The following SV2C variants were observed in gnomAD, a reference collection of about 807,000 sequenced individuals.
SV2C encodes solute carrier family 22 member B3.
A neutral mutation model predicts 79.7 loss-of-function variants in SV2C; 49 were observed. The ratio of observed to expected loss-of-function variants is 0.61; its 90% CI spans 0.49 to 0.78. The LOEUF (loss-of-function observed/expected upper bound fraction) is 0.78. SV2C is among the 30% of genes least tolerant of loss of function. SV2C has a pLI of 0.00. For missense variants in SV2C, 833 were observed against 912.9 expected, an observed-to-expected ratio of 0.91 and a Z score of 1.13; for synonymous variants, 334 against 333.2, an observed-to-expected ratio of 1.00 and a Z score of -0.03.
the SV2C span, among the ~76,000 whole-genome samples, chr5:75,880,303 A>T: frequency 6.8e-6 from 1 of 148,146 alleles, no homozygotes; most frequent in Admixed American, 6.7e-5. Context: ...CTTTTATAGC[A>T]CTGGCTAGGC....
At chr5:76,018,832 C>T in the SV2C span, among the ~76,000 whole-genome samples, 1 of 152,120 alleles carries the variant, frequency 6.6e-6, no homozygotes, top group Non-Finnish European at 1.5e-5. Flanking sequence ...AAAAGCTGAC[C>T]ATTGATTCCC....
At chr5:75,932,316 TATC>T in the SV2C span, among the ~76,000 whole-genome samples, 1 of 152,308 alleles carries the variant, frequency 6.6e-6, no homozygotes, top group South Asian at 2.1e-4. Context: ...CGGCTGTGGC[TATC>T]ATCTGGGTCT....
At chr5:76,280,936 G>T in intron 4 of SV2C, 1 of 531,998 alleles carries the variant, frequency 1.9e-6, no homozygotes, top group Non-Finnish European at 3.8e-6. Flanking sequence ...GCGCGACAGG[G>T]TCTGAGCCTG....
chr5:76,173,114 C>T (rs1195783657), intron 2 of SV2C, among the ~76,000 whole-genome samples: 2 of 143,146 alleles, frequency 1.4e-5, no homozygotes, highest in Non-Finnish European at 3.1e-5. Flanking sequence ...TTAATCAAAG[C>T]GCTTATTTTG....
At chr5:76,281,271 G>T in intron 4 of SV2C, 1 of 505,228 alleles carries the variant, frequency 2.0e-6, no homozygotes, top group South Asian at 1.5e-5. Context: ...GACGATTATT[G>T]AACTAAAAGT....
chr5:76,268,944 AG>A (rs759376913), intron 4 of SV2C, among the ~76,000 whole-genome samples: 7 of 152,258 alleles, frequency 4.6e-5, no homozygotes, highest in East Asian at 1.9e-4. Flanking sequence ...AGGAATAAAA[AG>A]GGGTCTCCTA....
chr5:76,182,668 A>T (rs1279813577), intron 2 of SV2C, among the ~76,000 whole-genome samples: 2 of 152,158 alleles, frequency 1.3e-5, no homozygotes, highest in Non-Finnish European at 2.9e-5. Context: ...TGCTCCAGGC[A>T]CTTCAGGAGA....
At chr5:76,139,603 T>G (rs900960253) in intron 2 of SV2C, among the ~76,000 whole-genome samples, 1 of 152,194 alleles carries the variant, frequency 6.6e-6, no homozygotes, top group Non-Finnish European at 1.5e-5. Flanking sequence ...TCTGAACATA[T>G]AAGACTGAGG....
the SV2C span, among the ~76,000 whole-genome samples, chr5:75,903,380 A>ATTTTT: frequency 2.3e-5 from 3 of 130,172 alleles, no homozygotes; most frequent in African/African-American, 8.6e-5. Context: ...TTTTTTTTTA[A>ATTTTT]AAAAAAAAGA....
chr5:75,937,345 C>A, the SV2C span, among the ~76,000 whole-genome samples: 1 of 152,108 alleles, frequency 6.6e-6, no homozygotes, highest in African/African-American at 2.4e-5. Flanking sequence ...TTTTTCTCAG[C>A]ATTACTTCCT....
chr5:75,979,917 A>G, the SV2C span, among the ~76,000 whole-genome samples: 1 of 152,172 alleles, frequency 6.6e-6, no homozygotes, highest in African/African-American at 2.4e-5. Flanking sequence ...CAAAAAATTC[A>G]AAAGATCAGT....
At chr5:75,873,400 T>G in the SV2C span, among the ~76,000 whole-genome samples, 29 of 151,592 alleles carry the variant, frequency 1.9e-4, no homozygotes, top group Non-Finnish European at 2.2e-4. Context: ...ACTAATTAAA[T>G]TGGCAAAGTT....
the SV2C span, among the ~76,000 whole-genome samples, chr5:75,988,013 A>G: frequency 6.6e-6 from 1 of 152,044 alleles, no homozygotes; most frequent in Non-Finnish European, 1.5e-5. Context: ...TATATTAGTC[A>G]ACATACATAA....
chr5:76,187,947 G>T (rs144534312), intron 2 of SV2C, among the ~76,000 whole-genome samples: 16 of 151,382 alleles, frequency 1.1e-4, no homozygotes, highest in African/African-American at 3.6e-4. Flanking sequence ...TTCTCTTTAC[G>T]TGATGCCAAT....
At chr5:76,336,111 C>A (rs536781162), downstream of SV2C, among the ~76,000 whole-genome samples, 43 of 135,210 alleles carry the variant, frequency 3.2e-4, no homozygotes, top group East Asian at 6.3e-3. Flanking sequence ...TGACCCCCCC[C>A]ACCTCCCTCC....
intron 4 of SV2C, among the ~76,000 whole-genome samples, chr5:76,261,251 G>T (rs997260564): frequency 2.6e-5 from 4 of 151,908 alleles, no homozygotes; most frequent in African/African-American, 9.7e-5. Context: ...CTTGTCTGTT[G>T]TTGGTGTATA....
rs1356740748 is a variant in SV2C at position 76,241,359 on chromosome 5, A to G, written c.913+31472A>G. ...AAATCAGAAAGCCACTATAAAACCC[A>G]ATGAAGTCTTCATCTGATGCTCTGA... On this transcript the variant is annotated intron_variant, in intron 4 of 12. Transcript: ENST00000502798. 4.6e-5 allele frequency among the ~76,000 whole-genome samples: 7 copies of G among 151,934 alleles called. No homozygotes were observed. The East Asian group carries it at 7.7e-4, about 17-fold the overall frequency.
the SV2C span, among the ~76,000 whole-genome samples, chr5:75,955,297 G>C: frequency 1.3e-5 from 2 of 149,270 alleles, no homozygotes; most frequent in Non-Finnish European, 3.0e-5. Flanking sequence ...AATGGGGAAA[G>C]GATTTCCTAT....
chr5:76,313,435 G>T (rs1362193961), intron 12 of SV2C, among the ~76,000 whole-genome samples: 2 of 152,150 alleles, frequency 1.3e-5, no homozygotes, highest in Non-Finnish European at 2.9e-5. Flanking sequence ...GAGGGTGAAG[G>T]GGGTGGGGAA....
Sources: allele counts gnomAD v4.1 joint callset (sites outside exome capture counted in the v4.1 genomes callset), GRCh38; gene constraint gnomAD v4.1.1; transcripts MANE v1.5; gene names NCBI Gene and HGNC (gene_info 2026-07-23, HGNC 2026-07-21).